Variants in NLK observed in about 807,000 individuals in gnomAD.
NLK encodes the protein serine/threonine-protein kinase NLK.
NLK carries 11 observed loss-of-function variants against 59.0 expected under a neutral mutation model. That is an observed-to-expected ratio of 0.19 (90% CI 0.12 to 0.31). The LOEUF is 0.31. Ranked by LOEUF, NLK falls within the 10% of genes least tolerant of loss-of-function variation. NLK has a pLI of 1.00. For synonymous variants in NLK, 235 were observed against 235.9 expected, an observed-to-expected ratio of 1.00 and a Z score of 0.03; for missense variants, 410 against 661.1, an observed-to-expected ratio of 0.62 and a Z score of 4.16.
At chr17:28,045,468 T>C (rs897468695) in intron 1 of NLK, among the ~76,000 whole-genome samples, 2 of 152,168 alleles carry the variant, frequency 1.3e-5, no homozygotes, top group African/African-American at 4.8e-5. Flanking sequence ...TCTGCTTGGC[T>C]TGTGGATGGC....
intron 3 of NLK, among the ~76,000 whole-genome samples, chr17:28,155,976 C>T (rs1173807224): frequency 1.3e-5 from 2 of 151,868 alleles, no homozygotes; most frequent in African/African-American, 2.4e-5. Context: ...ATGTATGTAC[C>T]CATGCACATT....
intron 1 of NLK, among the ~76,000 whole-genome samples, chr17:28,052,467 A>G (rs1328982142): frequency 7.2e-5 from 11 of 152,282 alleles, no homozygotes; most frequent in African/African-American, 1.7e-4. Context: ...CACAGCTTTC[A>G]GGCTGTAGTA....
At chr17:28,131,655 A>G (rs186042635) in intron 2 of NLK, among the ~76,000 whole-genome samples, 14 of 151,464 alleles carry the variant, frequency 9.2e-5, no homozygotes, top group African/African-American at 3.4e-4. Context: ...GTACCACACA[A>G]TTTATTTCCT....
chr17:28,204,259 G>A, the NLK span, among the ~76,000 whole-genome samples: 3 of 152,212 alleles, frequency 2.0e-5, no homozygotes, highest in South Asian at 2.1e-4. Flanking sequence ...GGTCTGAGCC[G>A]CTAGTTCTGC....
chr17:28,052,630 C>A (rs533228786), intron 1 of NLK, among the ~76,000 whole-genome samples: 2 of 152,100 alleles, frequency 1.3e-5, no homozygotes, highest in African/African-American at 2.4e-5. Flanking sequence ...TTCTAGTAGC[C>A]ACAGTAAAAA....
the NLK span, among the ~76,000 whole-genome samples, chr17:28,204,377 TG>T: frequency 1.3e-5 from 2 of 152,344 alleles, no homozygotes; most frequent in African/African-American, 4.8e-5. Flanking sequence ...TGGTGTATGA[TG>T]GAAGAGTGCG....
At position 28,111,896 on chromosome 17, in the gene NLK, G is replaced by GTGTGTGGT. The variant is rs1394476582; in HGVS notation, c.459-10707_459-10706insTGTGTGGT. On this transcript the variant is annotated intron_variant, in intron 1 of 10. Transcript: ENST00000407008. ...TGTGTGTGTGTGTGTGTGTGTGTGT[G>GTGTGTGGT]GTGTGTGTGTGTGTGTGTGTGTGTG... Among the ~76,000 whole-genome samples the GTGTGTGGT allele has an allele frequency of 6.2e-3, 417 of 67,492 alleles. 7 individuals carry two copies. The highest frequency in any genetic ancestry group is 0.021 in the African/African-American group (336 of 16,276). 44.3% of individuals were successfully genotyped at this position (67,492 alleles called of 152,430 possible). A position where few individuals can be genotyped will look rare whatever the true frequency, so the allele number is the denominator to read the frequency against.
At chr17:28,064,547 C>T (rs1909766532) in intron 1 of NLK, among the ~76,000 whole-genome samples, 1 of 152,088 alleles carries the variant, frequency 6.6e-6, no homozygotes, top group Admixed American at 6.5e-5. Context: ...GTAAGACAGA[C>T]ATTTAACACA....
chr17:28,192,806 T>C (rs1194865726), intron 10 of NLK, among the ~76,000 whole-genome samples: 3 of 152,228 alleles, frequency 2.0e-5, no homozygotes, highest in African/African-American at 4.8e-5. Flanking sequence ...AGCATTAGTA[T>C]GGTGGCCACC....
intron 1 of NLK, among the ~76,000 whole-genome samples, chr17:28,105,660 C>G (rs1449935709): frequency 6.6e-6 from 1 of 152,164 alleles, no homozygotes; most frequent in African/African-American, 2.4e-5. Flanking sequence ...CCAGTTCTTT[C>G]CCCCACCCCT....
At chr17:28,192,301 A>C in intron 10 of NLK, 88 bp downstream of exon 10, 1 of 710,270 alleles carries the variant, frequency 1.4e-6, no homozygotes, top group Non-Finnish European at 2.4e-6. Context: ...GTTTTTATTT[A>C]GATAACATAG....
intron 3 of NLK, among the ~76,000 whole-genome samples, chr17:28,134,611 C>A (rs1363395980): frequency 2.0e-5 from 3 of 152,144 alleles, no homozygotes; most frequent in African/African-American, 7.2e-5. Flanking sequence ...GAACCAATCC[C>A]CCTTGGATAC....
intron 3 of NLK, among the ~76,000 whole-genome samples, chr17:28,151,483 C>T (rs919065233): frequency 1.3e-5 from 2 of 152,088 alleles, no homozygotes; most frequent in Non-Finnish European, 2.9e-5. Flanking sequence ...CTTTGCTAAA[C>T]TAAAGGTTGA....
intron 1 of NLK, among the ~76,000 whole-genome samples, chr17:28,050,090 T>G (rs1909196287): frequency 6.6e-6 from 1 of 152,258 alleles, no homozygotes; most frequent in African/African-American, 2.4e-5. Flanking sequence ...TATGACCTAC[T>G]GGGTGAAATA....
At chr17:28,066,452 A>G (rs1049974642) in intron 1 of NLK, among the ~76,000 whole-genome samples, 3 of 152,258 alleles carry the variant, frequency 2.0e-5, no homozygotes, top group African/African-American at 7.2e-5. Flanking sequence ...TTTATGTTGC[A>G]TGTACTAATA....
At chr17:28,137,011 A>G (rs893415436) in intron 3 of NLK, among the ~76,000 whole-genome samples, 2 of 151,974 alleles carry the variant, frequency 1.3e-5, no homozygotes, top group East Asian at 1.9e-4. Context: ...AAAATAAAAA[A>G]CCTATTACCT....
intron 8 of NLK, among the ~76,000 whole-genome samples, chr17:28,185,865 G>GA (rs918324865): frequency 4.0e-5 from 6 of 150,680 alleles, no homozygotes; most frequent in East Asian, 1.9e-4. Flanking sequence ...AAGGTTATTT[G>GA]AAAAAAAAAT....
intron 1 of NLK, among the ~76,000 whole-genome samples, chr17:28,074,140 G>T (rs1910096517): frequency 6.6e-6 from 1 of 152,198 alleles, no homozygotes; most frequent in African/African-American, 2.4e-5. Context: ...AAATATGATA[G>T]AAGTGTTATC....
intron 1 of NLK, among the ~76,000 whole-genome samples, chr17:28,117,829 G>T (rs1045731509): frequency 1.3e-5 from 2 of 152,082 alleles, no homozygotes; most frequent in African/African-American, 4.8e-5. Context: ...ATTAAATATA[G>T]AAGATGAGAA....
Sources: allele counts gnomAD v4.1 joint callset (sites outside exome capture counted in the v4.1 genomes callset), GRCh38; gene constraint gnomAD v4.1.1; transcripts MANE v1.5; gene names NCBI Gene and HGNC (gene_info 2026-07-23, HGNC 2026-07-21).